ZSWIM2: variants seen among roughly 807,000 people sequenced by gnomAD.
ZSWIM2 encodes the protein E3 ubiquitin-protein ligase ZSWIM2.
A neutral mutation model predicts 48.4 loss-of-function variants in ZSWIM2; 38 were observed. That is an observed-to-expected ratio of 0.79 (90% CI 0.61 to 1.03). ZSWIM2 has a LOEUF of 1.03. ZSWIM2 is among the 50% of genes least tolerant of loss of function. The probability of loss-of-function intolerance (pLI) is 0.00; values close to 1 mark genes in which losing one functional copy is unlikely to be tolerated. For missense variants in ZSWIM2, 776 were observed against 730.2 expected (o/e 1.06, Z -0.72); for synonymous variants, 240 against 251.3 (o/e 0.96, Z 0.42).
chr2:186,839,269 GAGAGACAGTTTTGATTGA>G, intron 3 of ZSWIM2, 100 bp from the exon 4 acceptor site: 1 of 1,089,504 alleles, frequency 9.2e-7, no homozygotes, highest in Non-Finnish European at 1.3e-6. Context: ...TCAAATATCA[GAGAGACAGTTTTGATTGA>G]ATTATCACAC....
At chr2:186,842,033 A>G (rs1321528939) in intron 3 of ZSWIM2, among the ~76,000 whole-genome samples, 1 of 151,188 alleles carries the variant, frequency 6.6e-6, no homozygotes, top group African/African-American at 2.4e-5. Context: ...TTTTCATAAT[A>G]ATATTCCCAT....
rs1366308002 is a variant in ZSWIM2, at chr2:186,838,941, A to G, written c.494+18T>C. The G allele has an allele frequency of 1.9e-6, 3 of 1,595,388 alleles. No individual in the cohort carries two copies. The highest frequency in any genetic ancestry group is 2.6e-6 in the Non-Finnish European group (3 of 1,171,776). ...AATTTTTAATTAGTTTTAAGAATCTAAAGAAAAAGTACATCACCTGCAAAA... is the reference window on the plus strand; with the variant it reads ...AATTTTTAATTAGTTTTAAGAATCTGAAGAAAAAGTACATCACCTGCAAAA... On this transcript the variant is annotated intron_variant, in intron 4 of 8. Coordinates refer to ENST00000295131, the MANE Select transcript of ZSWIM2 (RefSeq NM_182521.3).
Position 186,849,035 on chromosome 2 carries a change from G to GT in ZSWIM2, c.95dup (p.Tyr32Ter). The GT allele has an allele frequency of 5.6e-6, 9 of 1,614,206 alleles. No homozygotes were observed. Among genetic ancestry groups the GT allele is most frequent in the Non-Finnish European group, 6.8e-6 (8 of 1,180,030 alleles). The part of the protein sequence containing the change: ...HQDQALSSSI[Y>*]LLREMGPTGF... ...CAGTGGGGCCCATCTCTCGTAGGAG[G>GT]TAGATGCTGCTACTCAGCGCCTGGT... is the stretch of plus-strand genomic sequence containing the variant. Residue 32 changes from tyrosine to a stop codon, truncating the protein, a stop_gained and frameshift_variant, in exon 1 of 9, where the codon TAC becomes TAAC. Coordinates refer to ENST00000295131, the MANE Select transcript of ZSWIM2 (RefSeq NM_182521.3). LOFTEE classifies it high-confidence loss of function.
chr2:186,837,691 G>C (rs1691823415), intron 4 of ZSWIM2, 137 bp from the exon 5 acceptor site: 2 of 248,168 alleles, frequency 8.1e-6, no homozygotes, highest in Non-Finnish European at 1.3e-5. Flanking sequence ...CAAAAAAATA[G>C]ATTCTGAACT....
At chr2:186,840,029 C>T (rs1691875636) in intron 3 of ZSWIM2, among the ~76,000 whole-genome samples, 1 of 45,152 alleles carries the variant, frequency 2.2e-5, no homozygotes, top group South Asian at 1.1e-3. Flanking sequence ...ATGAAATGCT[C>T]TGTTTTTCTG....
intron 5 of ZSWIM2, among the ~76,000 whole-genome samples, chr2:186,835,948 T>C (rs2105818174): frequency 6.6e-6 from 1 of 152,236 alleles, no homozygotes; most frequent in East Asian, 1.9e-4. Flanking sequence ...GGCAGGATAG[T>C]GGGCCATGTG....
At chr2:186,834,976 C>T (rs1247943379) in intron 5 of ZSWIM2, among the ~76,000 whole-genome samples, 2 of 152,134 alleles carry the variant, frequency 1.3e-5, no homozygotes, top group East Asian at 1.9e-4. Context: ...ATTATTTTGT[C>T]TACCACATGC....
chr2:186,834,722 A>AT (rs148647709), intron 5 of ZSWIM2, among the ~76,000 whole-genome samples: 2,879 of 152,066 alleles, frequency 0.019, 82 homozygotes, highest in African/African-American at 0.065. Flanking sequence ...CTTTTCCTCC[A>AT]TTTTCAAAAC....
Position 186,849,064 on chromosome 2 carries a change from G to C in ZSWIM2, c.67C>G (p.Gln23Glu), listed in dbSNP as rs1423175318. 6.2e-7 allele frequency: 1 copy of C among 1,614,048 alleles called. No homozygotes were observed. The highest frequency in any genetic ancestry group is 1.3e-5 in the African/African-American group (1 of 74,934). The change falls in exon 1 of 9, where the codon CAA becomes GAA. Residue 23 changes from glutamine to glutamate, a missense_variant. Physicochemically the swap from Gln to Glu is conservative, Grantham distance 29. Transcript: ENST00000295131. Reference protein sequence around the residue: ...RHLSERLSWHQDQALSSSIYL... With the variant: ...RHLSERLSWHEDQALSSSIYL... ...ATGCTGCTACTCAGCGCCTGGTCTT[G>C]GTGCCAGCTGAGCCTCTCGCTCAAG...
intron 5 of ZSWIM2, among the ~76,000 whole-genome samples, chr2:186,836,023 G>C (rs1691786807): frequency 1.3e-5 from 2 of 152,052 alleles, no homozygotes; most frequent in Non-Finnish European, 2.9e-5. Flanking sequence ...TGAGTGACAG[G>C]AGTGCACTGT....
intron 8 of ZSWIM2, among the ~76,000 whole-genome samples, chr2:186,829,107 A>G (rs1415220234): frequency 6.6e-6 from 1 of 152,092 alleles, no homozygotes; most frequent in Non-Finnish European, 1.5e-5. Flanking sequence ...TAAAAGTCAT[A>G]ACCAACTGGG....
chr2:186,828,658 T>C lies in ZSWIM2; in HGVS notation c.1228A>G (p.Asn410Asp). Residue 410 changes from asparagine (N) to aspartate (D), a missense_variant, in exon 9 of 9, where the codon AAC becomes GAC. Coordinates refer to ENST00000295131, the MANE Select transcript of ZSWIM2 (RefSeq NM_182521.3). Reference sequence around the variant, plus strand: ...TTTGATAGATGAATGATGTCTCTGTTTGAAACAGACTGATGTGCTTGTCCA... The same window carrying C: ...TTTGATAGATGAATGATGTCTCTGTCTGAAACAGACTGATGTGCTTGTCCA... ...VNGQAHQSVS[N>D]RDIIHLSKQK... 3 of 1,613,318 alleles carry C rather than the reference T, an allele frequency of 1.9e-6. No individual in the cohort carries two copies. The highest frequency in any genetic ancestry group is 2.5e-6 in the Non-Finnish European group (3 of 1,179,648).
Position 186,844,704 on chromosome 2 carries a change from C to A in ZSWIM2, c.283+13G>T. On this transcript the variant is annotated intron_variant, in intron 3 of 8. Coordinates refer to ENST00000295131, the MANE Select transcript of ZSWIM2 (RefSeq NM_182521.3). Reference sequence around the variant, plus strand: ...AAAAAAAAAACACAAAAAACCCAAACCCCAAAACTTACATTCATGGTTCCT... The same window carrying A: ...AAAAAAAAAACACAAAAAACCCAAAACCCAAAACTTACATTCATGGTTCCT... 1 of 1,551,790 alleles carries A rather than the reference C, an allele frequency of 6.4e-7. No individual in the cohort carries two copies.
chr2:186,838,765 AT>A (rs1458949589), intron 4 of ZSWIM2, among the ~76,000 whole-genome samples, 193 bp downstream of exon 4: 2 of 145,046 alleles, frequency 1.4e-5, no homozygotes, highest in Non-Finnish European at 3.0e-5. Context: ...ATTGTAATAT[AT>A]TATAATATAT....
At chr2:186,838,854 T>C in intron 4 of ZSWIM2, 105 bp downstream of exon 4, 1 of 829,158 alleles carries the variant, frequency 1.2e-6, no homozygotes, top group Non-Finnish European at 1.8e-6. Context: ...TAGCAGTAGG[T>C]AAAGTTGTCT....
intron 5 of ZSWIM2, among the ~76,000 whole-genome samples, chr2:186,836,528 C>T (rs1281949403): frequency 6.6e-6 from 1 of 151,826 alleles, no homozygotes. Flanking sequence ...GGTTTTATGA[C>T]AGAGTTTTAA....
rs778515421 is a variant in ZSWIM2, at chr2:186,848,971, A to T, written c.160T>A (p.Phe54Ile). The T allele has an allele frequency of 6.9e-5, 112 of 1,613,838 alleles. 1 individual carries two copies. The South Asian group carries it at 1.0e-3, about 15-fold the overall frequency. Residue 54 changes from phenylalanine to isoleucine, a missense_variant, in exon 1 of 9, where the codon TTC (phenylalanine) becomes ATC (isoleucine). Coordinates refer to ENST00000295131, the MANE Select transcript of ZSWIM2 (RefSeq NM_182521.3). The part of the protein sequence containing the change: ...LREEEPEYMD[F>I]RVFLGNPHVC... ...GCGGTAGGGGCGGTAGTTACTCGGA[A>T]ATCCATGTATTCCGGCTCCTCCTCC...
At chr2:186,830,152 G>A (rs970598959) in intron 7 of ZSWIM2, among the ~76,000 whole-genome samples, 1 of 152,150 alleles carries the variant, frequency 6.6e-6, no homozygotes, top group Non-Finnish European at 1.5e-5. Context: ...GACTGAGGTG[G>A]GTGGATTACC....
chr2:186,842,082 G>A (rs1488350775), intron 3 of ZSWIM2, among the ~76,000 whole-genome samples: 1 of 150,976 alleles, frequency 6.6e-6, no homozygotes, highest in African/African-American at 2.4e-5. Context: ...AGAGTCTCAG[G>A]TTTCTTATAT....
Sources: allele counts gnomAD v4.1 joint callset (sites outside exome capture counted in the v4.1 genomes callset), GRCh38; gene constraint gnomAD v4.1.1; transcripts MANE v1.5; gene names NCBI Gene and HGNC (gene_info 2026-07-23, HGNC 2026-07-21).